Variants in MARK1 observed in about 807,000 individuals in gnomAD.
The protein encoded by MARK1 is microtubule affinity regulating kinase 1, also known as serine/threonine-protein kinase MARK1.
Under a neutral mutation model 96.3 loss-of-function variants are expected in MARK1, and 40 were observed. The ratio of observed to expected loss-of-function variants is 0.42; its 90% CI spans 0.32 to 0.54. MARK1 has a LOEUF of 0.54. Ranked by LOEUF, MARK1 falls within the 20% of genes least tolerant of loss-of-function variation. The pLI is 0.16. For synonymous variants in MARK1, 317 were observed against 341.2 expected, an observed-to-expected ratio of 0.93 and a Z score of 0.78; for missense variants, 719 against 984.6, an observed-to-expected ratio of 0.73 and a Z score of 3.61.
chr1:220,604,907 A>G (rs559040840), intron 6 of MARK1, among the ~76,000 whole-genome samples: 10 of 152,280 alleles, frequency 6.6e-5, no homozygotes, highest in Non-Finnish European at 1.2e-4. Context: ...CTAAAGTTTA[A>G]GTGGATAATT....
chr1:220,560,432 T>C (rs1437993757), intron 1 of MARK1, among the ~76,000 whole-genome samples: 3 of 152,246 alleles, frequency 2.0e-5, no homozygotes, highest in Admixed American at 1.3e-4. Flanking sequence ...TTCCTTAATG[T>C]TGAGAACTTG....
At chr1:220,553,440 A>G (rs1662017309) in intron 1 of MARK1, among the ~76,000 whole-genome samples, 1 of 151,960 alleles carries the variant, frequency 6.6e-6, no homozygotes, top group Non-Finnish European at 1.5e-5. Flanking sequence ...GTCCTAGGGA[A>G]CTCCCCATGA....
chr1:220,660,922 T>C (rs1669443287), intron 17 of MARK1, among the ~76,000 whole-genome samples: 1 of 152,194 alleles, frequency 6.6e-6, no homozygotes. Flanking sequence ...ATGGGTTAAA[T>C]AATATGTTAG....
chr1:220,603,659 A>G (rs2152836), intron 5 of MARK1, among the ~76,000 whole-genome samples: 88,338 of 151,776 alleles, frequency 0.58, 27,062 homozygotes, highest in Non-Finnish European at 0.68. Context: ...TAAAAGAGCA[A>G]TCCAACAAAA....
chr1:220,626,961 C>T (rs935738405), intron 9 of MARK1: 1 of 509,994 alleles, frequency 2.0e-6, no homozygotes, highest in African/African-American at 2.0e-5. Flanking sequence ...ACAGGTGTGG[C>T]CCTGGATACA....
At chr1:220,620,751 A>G (rs1667011508) in intron 9 of MARK1, among the ~76,000 whole-genome samples, 1 of 152,138 alleles carries the variant, frequency 6.6e-6, no homozygotes. Context: ...TATAGTCTGC[A>G]ACTTTCTGTT....
chr1:220,569,924 T>C lies in MARK1; in HGVS notation c.52-9430T>C, dbSNP rs186606125. Among the ~76,000 whole-genome samples, 13 of 152,240 alleles carry C rather than the reference T, an allele frequency of 8.5e-5. No individual in the cohort carries two copies. The East Asian group carries it at 2.5e-3, about 29-fold the overall frequency. On this transcript the variant is annotated intron_variant, in intron 1 of 17. Transcript: ENST00000366917. ...GAAAAATGTTCCTTTGTACCTGTTC[T>C]GTATCTAATGGAATTATTGTTTACA...
intron 6 of MARK1, among the ~76,000 whole-genome samples, chr1:220,606,925 C>A (rs1666115612): frequency 2.6e-5 from 4 of 152,096 alleles, no homozygotes; most frequent in Admixed American, 2.6e-4. Context: ...GTTACTGTAG[C>A]CTTGTAGTAT....
chr1:220,530,156 TAA>T (rs1660216149), intron 1 of MARK1, among the ~76,000 whole-genome samples: 3 of 152,216 alleles, frequency 2.0e-5, no homozygotes, highest in African/African-American at 7.2e-5. Flanking sequence ...GAAATTCTAC[TAA>T]GAGACCATTG....
In MARK1 at chr1:220,619,099, A is replaced by G. The variant is rs139885173; in HGVS notation, c.909+344A>G. On this transcript the variant is annotated intron_variant, in intron 9 of 17. Coordinates refer to ENST00000366917, the MANE Select transcript of MARK1 (RefSeq NM_018650.5). ...CTTGTTTTTAGTAAGTACTCAATAA[A>G]TATTTCAAGGATAAAAGAAAATAGT... is the stretch of plus-strand genomic sequence containing the variant. 5.4e-4 allele frequency among the ~76,000 whole-genome samples: 83 copies of G among 152,344 alleles called. No individual in the cohort carries two copies. The East Asian group carries it at 0.011, about 20-fold the overall frequency.
rs61271150 is a variant in MARK1 at position 220,530,450 on chromosome 1, A to G, written c.51+1577A>G. 3.7e-3 allele frequency among the ~76,000 whole-genome samples: 562 copies of G among 152,318 alleles called. 6 individuals are homozygous for G. The highest frequency in any genetic ancestry group is 0.013 in the African/African-American group (531 of 41,570). On this transcript the variant is annotated intron_variant, in intron 1 of 17. Coordinates refer to ENST00000366917, the MANE Select transcript of MARK1 (RefSeq NM_018650.5). The stretch of plus-strand genomic sequence containing the variant: ...AAATGCCTGTCATTCAAGAGTGTGA[A>G]TGAAAAGTATGACAGATGATAACCT...
chr1:220,654,476 A>C lies in MARK1; in HGVS notation c.1988+1124A>C, dbSNP rs1007014084. On this transcript the variant is annotated intron_variant, in intron 16 of 17. Coordinates refer to ENST00000366917, the MANE Select transcript of MARK1 (RefSeq NM_018650.5). This position sits in a 1 kb window ranked among gnomAD's most constrained non-coding sequence, Gnocchi z 4.0. ...GCCCAGTATCACATAGCTGAATTAA[A>C]AACTTTAAAGCCTCAAATGTAACAT... 2.6e-5 allele frequency among the ~76,000 whole-genome samples: 4 copies of C among 152,232 alleles called. No homozygotes were observed. Among genetic ancestry groups the C allele is most frequent in the African/African-American group, 9.6e-5 (4 of 41,456 alleles).
chr1:220,556,403 T>G (rs1662247525), intron 1 of MARK1, among the ~76,000 whole-genome samples: 1 of 149,886 alleles, frequency 6.7e-6, no homozygotes, highest in South Asian at 2.1e-4. Flanking sequence ...TGAAAAAAAT[T>G]TCATGACTTG....
At chr1:220,534,186 A>G (rs1280309763) in intron 1 of MARK1, among the ~76,000 whole-genome samples, 4 of 151,708 alleles carry the variant, frequency 2.6e-5, no homozygotes, top group Non-Finnish European at 1.5e-5. Context: ...TATGTATTAG[A>G]TCTATTAGTG....
intron 6 of MARK1, among the ~76,000 whole-genome samples, chr1:220,612,543 A>G (rs1159253937): frequency 6.6e-6 from 1 of 152,100 alleles, no homozygotes; most frequent in Non-Finnish European, 1.5e-5. Flanking sequence ...TGTTTTCCCA[A>G]AACTAAAAAA....
At chr1:220,594,561 CTT>C (rs1302493478) in intron 3 of MARK1, among the ~76,000 whole-genome samples, 3 of 152,174 alleles carry the variant, frequency 2.0e-5, no homozygotes, top group African/African-American at 7.2e-5. Context: ...CACACAGAAA[CTT>C]GCACATGGAT....
At chr1:220,584,206 TATTA>T (rs1324354851) in intron 3 of MARK1, among the ~76,000 whole-genome samples, 1 of 152,182 alleles carries the variant, frequency 6.6e-6, no homozygotes, top group Non-Finnish European at 1.5e-5. Flanking sequence ...GTGTATTACT[TATTA>T]ATTTACATTT....
chr1:220,562,199 T>C (rs1662714767), intron 1 of MARK1, among the ~76,000 whole-genome samples: 1 of 152,164 alleles, frequency 6.6e-6, no homozygotes, highest in Non-Finnish European at 1.5e-5. Context: ...TCATGGTGAT[T>C]CACGCCAGTA....
intron 1 of MARK1, among the ~76,000 whole-genome samples, chr1:220,530,035 G>C (rs1447973093): frequency 2.0e-5 from 3 of 152,154 alleles, no homozygotes; most frequent in Middle Eastern, 3.2e-3. Context: ...TAGACAAAAG[G>C]CATGAGAGAA....
Sources: allele counts gnomAD v4.1 joint callset (sites outside exome capture counted in the v4.1 genomes callset), GRCh38; gene constraint gnomAD v4.1.1; non-coding constraint Gnocchi (gnomAD v3.1); transcripts MANE v1.5; gene names NCBI Gene and HGNC (gene_info 2026-07-23, HGNC 2026-07-21).